HTR2C: variants seen among roughly 807,000 people sequenced by gnomAD.
HTR2C encodes 5-hydroxytryptamine receptor 2C, also known as 5-hydroxytryptamine (serotonin) receptor 2C, G protein-coupled.
Under a neutral mutation model 21.0 loss-of-function variants are expected in HTR2C, and 5 were observed. The ratio of observed to expected loss-of-function variants is 0.24; its 90% CI spans 0.12 to 0.50. HTR2C has a LOEUF of 0.50. Among genes scored for constraint, HTR2C ranks in the 20% least tolerant of loss-of-function variants. The pLI is 0.98. For synonymous variants in HTR2C, 150 were observed against 145.3 expected, an observed-to-expected ratio of 1.03 and a Z score of -0.23; for missense variants, 271 against 371.2, an observed-to-expected ratio of 0.73 and a Z score of 2.22.
intron 2 of HTR2C, among the ~76,000 whole-genome samples, chrX:114,640,662 G>T (rs1930061953): frequency 8.9e-6 from 1 of 111,878 alleles, no homozygotes; most frequent in Admixed American, 9.5e-5. Context: ...TTTTTGCAAT[G>T]GCACAAACAT....
intron 2 of HTR2C, among the ~76,000 whole-genome samples, chrX:114,675,210 G>GC (rs1215713618): frequency 1.8e-5 from 2 of 111,818 alleles, no homozygotes; most frequent in Non-Finnish European, 3.8e-5. Context: ...TCTTCAATGA[G>GC]CCAGGTCAGA....
chrX:114,711,455 A>G (rs993976719), intron 2 of HTR2C, among the ~76,000 whole-genome samples: 3 of 111,861 alleles, frequency 2.7e-5, no homozygotes, highest in Non-Finnish European at 3.8e-5. Flanking sequence ...TTATTTTACC[A>G]TAAATTCTTA....
At chrX:114,806,477 C>G (rs1474189701) in intron 4 of HTR2C, among the ~76,000 whole-genome samples, 3 of 8,636 alleles carry the variant, frequency 3.5e-4, no homozygotes, top group African/African-American at 8.9e-4. Flanking sequence ...TATATATATA[C>G]TGTATATATA....
At chrX:114,891,998 T>G (rs1200803102) in intron 5 of HTR2C, among the ~76,000 whole-genome samples, 1 of 111,251 alleles carries the variant, frequency 9.0e-6, no homozygotes, top group Non-Finnish European at 1.9e-5. Flanking sequence ...GAAACATCCT[T>G]GCATTCTTGG....
chrX:114,877,699 T>C (rs782255702), intron 5 of HTR2C, among the ~76,000 whole-genome samples: 6 of 110,945 alleles, frequency 5.4e-5, no homozygotes, highest in Non-Finnish European at 9.5e-5. Context: ...TTCTTTTTTA[T>C]TTCTTTTTTA....
chrX:114,708,759 A>T (rs1485874686), intron 2 of HTR2C, among the ~76,000 whole-genome samples: 1 of 111,006 alleles, frequency 9.0e-6, no homozygotes, highest in East Asian at 2.8e-4. Flanking sequence ...GTGAGCTATG[A>T]TCATGCCACT....
intron 5 of HTR2C, among the ~76,000 whole-genome samples, chrX:114,860,636 T>G (rs1350171837): frequency 9.0e-6 from 1 of 111,649 alleles, no homozygotes; most frequent in African/African-American, 3.2e-5. Context: ...CTTTGTTTCT[T>G]TATTATTCTT....
rs1569495580 is a variant in HTR2C, at chrX:114,805,766, ATATCTATACCATG to A, written c.350-42233_350-42221del. ...CCATATATACACCTATATATACACC[ATATCTATACCATG>A]TATATACACCATATATATACCATGT... On this transcript the variant is annotated intron_variant, in intron 4 of 5. Coordinates refer to ENST00000276198, the MANE Select transcript of HTR2C (RefSeq NM_000868.4). 2.0e-3 allele frequency among the ~76,000 whole-genome samples: 196 copies of A among 96,856 alleles called. 62 individuals are homozygous for A. The highest frequency in any genetic ancestry group is 7.2e-3 in the African/African-American group (192 of 26,612). 84.1% of individuals were successfully genotyped at this position (96,856 alleles called of 115,157 possible). A position where few individuals can be genotyped will look rare whatever the true frequency, so the allele number is the denominator to read the frequency against.
intron 4 of HTR2C, among the ~76,000 whole-genome samples, chrX:114,826,729 G>A (rs5946178): frequency 1.8e-5 from 2 of 109,968 alleles, no homozygotes; most frequent in African/African-American, 6.6e-5. Flanking sequence ...ATTGTGTCTT[G>A]TTTATTTTTA....
chrX:114,827,186 A>C (rs2070685792), intron 4 of HTR2C, among the ~76,000 whole-genome samples: 1 of 111,203 alleles, frequency 9.0e-6, no homozygotes, highest in Non-Finnish European at 1.9e-5. Context: ...CAAAATCCAA[A>C]CTGCTCCAAT....
intron 2 of HTR2C, among the ~76,000 whole-genome samples, chrX:114,684,338 A>C (rs1358705822): frequency 1.8e-5 from 2 of 111,857 alleles, no homozygotes; most frequent in African/African-American, 6.5e-5. Context: ...TATTGCTCTT[A>C]GAACTTTTGG....
intron 4 of HTR2C, among the ~76,000 whole-genome samples, chrX:114,804,671 C>T (rs2070384584): frequency 9.0e-6 from 1 of 111,527 alleles, no homozygotes; most frequent in South Asian, 3.7e-4. Context: ...GGCAAGTAAG[C>T]TAGTCTTTTG....
intron 4 of HTR2C, among the ~76,000 whole-genome samples, chrX:114,764,869 T>A (rs896832700): frequency 8.9e-5 from 3 of 33,694 alleles, no homozygotes; most frequent in African/African-American, 1.2e-4. Flanking sequence ...GAATCAATCT[T>A]TCTTTCTTTC....
intron 4 of HTR2C, among the ~76,000 whole-genome samples, chrX:114,771,947 G>A (rs2070008342): frequency 8.9e-6 from 1 of 112,101 alleles, no homozygotes; most frequent in Non-Finnish European, 1.9e-5. Flanking sequence ...TTTACATGAA[G>A]CTCCAAAACA....
At chrX:114,841,299 G>T (rs781885707) in intron 4 of HTR2C, among the ~76,000 whole-genome samples, 2 of 111,819 alleles carry the variant, frequency 1.8e-5, no homozygotes, top group African/African-American at 6.5e-5. Flanking sequence ...TTACAAGTTG[G>T]TTTTTTGCCT....
intron 5 of HTR2C, among the ~76,000 whole-genome samples, chrX:114,865,668 A>T (rs1279074418): frequency 2.7e-5 from 3 of 111,421 alleles, no homozygotes; most frequent in Non-Finnish European, 5.6e-5. Context: ...ATTGATCTTT[A>T]TATAATCTAG....
intron 4 of HTR2C, among the ~76,000 whole-genome samples, chrX:114,755,953 TA>T (rs1416758523): frequency 1.8e-5 from 2 of 108,135 alleles, no homozygotes; most frequent in South Asian, 4.0e-4. Context: ...CTACAAAACT[TA>T]AAAAAAAATA....
chrX:114,829,970 T>C (rs1394558448), intron 4 of HTR2C, among the ~76,000 whole-genome samples: 1 of 111,695 alleles, frequency 9.0e-6, no homozygotes, highest in Non-Finnish European at 1.9e-5. Flanking sequence ...CCCTTAAGAT[T>C]AAATATTTAT....
At chrX:114,720,173 T>C (rs1556420402) in intron 2 of HTR2C, among the ~76,000 whole-genome samples, 2 of 110,867 alleles carry the variant, frequency 1.8e-5, no homozygotes, top group African/African-American at 3.3e-5. Flanking sequence ...GCCTGACTAA[T>C]GGTCAGGGTG....
Sources: gnomAD v4.1 joint callset for allele counts (sites outside exome capture counted in the v4.1 genomes callset) on GRCh38, gnomAD v4.1.1 for gene constraint, MANE v1.5 for transcripts, NCBI Gene and HGNC (gene_info 2026-07-23, HGNC 2026-07-21) for gene names.